The following DGKQ variants were observed in gnomAD, a reference collection of about 807,000 sequenced individuals.
The protein encoded by DGKQ is diacylglycerol kinase theta, also known as DAG kinase theta.
A neutral mutation model predicts 104.2 loss-of-function variants in DGKQ; 97 were observed. The ratio of observed to expected loss-of-function variants is 0.93; its 90% CI spans 0.79 to 1.10. The LOEUF is 1.10. Among genes scored for constraint, DGKQ ranks in the 50% least tolerant of loss-of-function variants. The pLI, the probability that DGKQ is intolerant of heterozygous loss-of-function variation, is 0.00. For missense variants in DGKQ, 1,465 were observed against 1,352.1 expected, an observed-to-expected ratio of 1.08 and a Z score of -1.31; for synonymous variants, 736 against 595.2, an observed-to-expected ratio of 1.24 and a Z score of -3.44.
At chr4:963,638 G>T (rs1041119007) in intron 15 of DGKQ, among the ~76,000 whole-genome samples, 1 of 152,240 alleles carries the variant, frequency 6.6e-6, no homozygotes, top group African/African-American at 2.4e-5. Flanking sequence ...GGGACTCTGC[G>T]TGGCACTCTG....
At chr4:960,816 T>G in intron 22 of DGKQ, 95 bp from the exon 23 acceptor site, 1 of 1,533,030 alleles carries the variant, frequency 6.5e-7, no homozygotes, top group East Asian at 2.4e-5. Context: ...GGGCAGCTGA[T>G]GCCATCTCAG....
chr4:962,614 C>T lies in DGKQ; in HGVS notation c.2036-1G>A. The T allele has an allele frequency of 6.2e-7, 1 of 1,606,928 alleles. No individual in the cohort carries two copies. On this transcript the variant is annotated splice_acceptor_variant, in intron 17 of 22. Coordinates refer to ENST00000273814, the MANE Select transcript of DGKQ (RefSeq NM_001347.4). LOFTEE classifies it high-confidence loss of function. ...CGGAGGACTCGACCAAGGTCATTCCCTGGGACACAAGCAGACACAGAGCAT... is the reference window on the plus strand; with the variant it reads ...CGGAGGACTCGACCAAGGTCATTCCTTGGGACACAAGCAGACACAGAGCAT...
chr4:962,428 C>T lies in DGKQ; in HGVS notation c.2214+7G>A. On this transcript the variant is annotated splice_region_variant and intron_variant, in intron 18 of 22. Coordinates refer to ENST00000273814, the MANE Select transcript of DGKQ (RefSeq NM_001347.4). ...TGGAAGGCACCCCACGCCGGGCTGC[C>T]CTGTACCTTGGGGGGCTCTGCGTCT... 1 of 1,563,998 alleles carries T rather than the reference C, an allele frequency of 6.4e-7. No individual in the cohort carries two copies. Among genetic ancestry groups the T allele is most frequent in the Non-Finnish European group, 8.6e-7 (1 of 1,160,282 alleles).
chr4:967,627 A>G lies in DGKQ; in HGVS notation c.909T>C (p.Phe303=). The G allele has an allele frequency of 2.5e-6, 4 of 1,612,512 alleles. No homozygotes were observed. Among genetic ancestry groups the G allele is most frequent in the East Asian group, 2.2e-5 (1 of 44,828 alleles). Residue 303 remains phenylalanine, a synonymous_variant, in exon 8 of 23, where the codon TTT becomes TTC. Coordinates refer to ENST00000273814, the MANE Select transcript of DGKQ (RefSeq NM_001347.4). Reference sequence around the variant, plus strand: ...TTCTTCTCACCGCGTCGTCGCCATCAAAGATCTTCAGCGTTTGCTTCCCTG... The same window carrying G: ...TTCTTCTCACCGCGTCGTCGCCATCGAAGATCTTCAGCGTTTGCTTCCCTG... ...PESGKQTLKI[F]DGDDAVRRSQ...
rs374697630 is a variant in DGKQ, at chr4:968,588, G to A, written c.452-24C>T. The A allele has an allele frequency of 3.4e-4, 538 of 1,579,224 alleles. 1 individual carries two copies. The highest frequency in any genetic ancestry group is 4.5e-4 in the Non-Finnish European group (518 of 1,161,294). On this transcript the variant is annotated intron_variant, in intron 3 of 22. Transcript: ENST00000273814. ...CACTGGGGGGCAGGCAGGGTTAGAGGTGTCTGCCGCCCCCGGAGGACCCCT... is the reference window on the plus strand; with the variant it reads ...CACTGGGGGGCAGGCAGGGTTAGAGATGTCTGCCGCCCCCGGAGGACCCCT...
chr4:967,684 C>G (rs780370554), intron 7 of DGKQ, 35 bp from the exon 8 acceptor site: 19 of 1,612,014 alleles, frequency 1.2e-5, no homozygotes, highest in Non-Finnish European at 6.8e-6. Flanking sequence ...CCCGGGCGCC[C>G]GGGGGACCTC....
Position 961,032 on chromosome 4 carries a change from A to G in DGKQ, c.2727+17T>C. 1 of 1,611,390 alleles carries G rather than the reference A, an allele frequency of 6.2e-7. No homozygotes were observed. The highest frequency in any genetic ancestry group is 1.3e-5 in the African/African-American group (1 of 74,984). On this transcript the variant is annotated intron_variant, in intron 22 of 22. Coordinates refer to ENST00000273814, the MANE Select transcript of DGKQ (RefSeq NM_001347.4). ...CCCGGCCCACCTCCCCTGGCTCTCC[A>G]GCCTCACCCCACATACCTTAGGGCC...
intron 1 of DGKQ, among the ~76,000 whole-genome samples, chr4:972,639 G>A (rs1369473677): frequency 2.0e-5 from 3 of 151,842 alleles, no homozygotes; most frequent in South Asian, 4.2e-4. Context: ...TCCAGAGGCT[G>A]GGCTGTAGTC....
In DGKQ at chr4:971,431, G is replaced by C. The variant is rs749079880; in HGVS notation, c.272-359C>G. Among the ~76,000 whole-genome samples the C allele has an allele frequency of 2.0e-5, 3 of 152,188 alleles. No homozygotes were observed. The highest frequency in any genetic ancestry group is 4.4e-5 in the Non-Finnish European group (3 of 68,020). Reference sequence around the variant, plus strand: ...GTTCGCCAGGTGGCAGGGGCTTCTCGGCCTTCGGCAGATTGGCTTTACCAA... The same window carrying C: ...GTTCGCCAGGTGGCAGGGGCTTCTCCGCCTTCGGCAGATTGGCTTTACCAA... On this transcript the variant is annotated intron_variant, in intron 1 of 22. Coordinates refer to ENST00000273814, the MANE Select transcript of DGKQ (RefSeq NM_001347.4). This position sits in a 1 kb window ranked among gnomAD's most constrained non-coding sequence, Gnocchi z 4.0.
chr4:966,019 G>A lies in DGKQ; in HGVS notation c.1488C>T (p.Ala496=). The A allele has an allele frequency of 3.1e-6, 5 of 1,605,334 alleles. No individual in the cohort carries two copies. Among genetic ancestry groups the A allele is most frequent in the South Asian group, 1.1e-5 (1 of 89,324 alleles). ...CGCCAACAAACAGGGAGACGTGCGGGGCTACATCCCTGCTCTCTGCCACGT... is the reference window on the plus strand; with the variant it reads ...CGCCAACAAACAGGGAGACGTGCGGAGCTACATCCCTGCTCTCTGCCACGT... The part of the protein sequence containing the change: ...RFYVAESRDV[A]PHVSLFVGGL... Residue 496 remains alanine, a synonymous_variant, in exon 13 of 23, where the codon GCC becomes GCT. Coordinates refer to ENST00000273814, the MANE Select transcript of DGKQ (RefSeq NM_001347.4).
In DGKQ at chr4:960,578, G is replaced by T; in HGVS notation, c.*42C>A. 6.4e-7 allele frequency: 1 copy of T among 1,565,522 alleles called. No homozygotes were observed. The highest frequency in any genetic ancestry group is 8.8e-7 in the Non-Finnish European group (1 of 1,141,612). On this transcript the variant is annotated 3_prime_UTR_variant, in exon 23 of 23. Transcript: ENST00000273814. ...AGACCACCTGAAAACAAGGCTGGCG[G>T]GAGCAGAGATGGCTCGAGCCCTTGG...
chr4:973,257 G>A lies in DGKQ; in HGVS notation c.226C>T (p.Leu76Phe). The change falls in exon 1 of 23, where the codon CTC becomes TTC. Residue 76 changes from leucine (L) to phenylalanine (F), a missense_variant. Physicochemically the swap from Leu to Phe is conservative, Grantham distance 22. Coordinates refer to ENST00000273814, the MANE Select transcript of DGKQ (RefSeq NM_001347.4). ...AGCCCCCAGATGAAGTCGGAGCAGA[G>A]GTGGCAGAAGGTGGGCTTGGTGAGC... The part of the protein sequence containing the change: ...VTLTKPTFCH[L>F]CSDFIWGLAG... 1 of 1,555,054 alleles carries A rather than the reference G, an allele frequency of 6.4e-7. No homozygotes were observed. The highest frequency in any genetic ancestry group is 1.4e-5 in the African/African-American group (1 of 70,254).
chr4:965,675 A>G, intron 13 of DGKQ, 146 bp from the exon 14 acceptor site: 1 of 958,028 alleles, frequency 1.0e-6, no homozygotes, highest in Non-Finnish European at 1.6e-6. Flanking sequence ...CTCCAGGAGC[A>G]GGACTCCCAG....
At position 968,850 on chromosome 4, in the gene DGKQ, A is replaced by C; in HGVS notation, c.412T>G (p.Cys138Gly). 6.2e-7 allele frequency: 1 copy of C among 1,610,724 alleles called. No homozygotes were observed. The highest frequency in any genetic ancestry group is 1.1e-5 in the South Asian group (1 of 90,906). Residue 138 changes from cysteine to glycine, a missense_variant, in exon 3 of 23, where the codon TGC becomes GGC. Transcript: ENST00000273814. ...GLHKRKFCAVCRKVLEAPALH... is the reference protein window; with the variant it reads ...GLHKRKFCAVGRKVLEAPALH... ...GCCGGTGCCTCCAGGACCTTGCGGC[A>C]GACAGCACAGAACTTGCGCTTGTGG...
intron 21 of DGKQ, 59 bp from the exon 22 acceptor site, chr4:961,260 G>C: frequency 5.1e-6 from 7 of 1,377,290 alleles, no homozygotes; most frequent in Non-Finnish European, 6.7e-6. Context: ...CCGCTGACCT[G>C]GCCCTGGGGC....
Position 961,771 on chromosome 4 carries a change from CAGGCTCCGAG to C in DGKQ, c.2369_2378del (p.Ser790CysfsTer60). 1 of 1,611,752 alleles carries C rather than the reference CAGGCTCCGAG, an allele frequency of 6.2e-7. No homozygotes were observed. Among genetic ancestry groups the C allele is most frequent in the Non-Finnish European group, 8.5e-7 (1 of 1,179,464 alleles). On this transcript the variant is annotated frameshift_variant, in exon 20 of 23. Transcript: ENST00000273814. LOFTEE classifies it high-confidence loss of function. ...CCACCTGCAGCCGGATCTGCTTGTG[CAGGCTCCGAG>C]AGTGACTGATCTTCTGCAGCCCCAC...
chr4:965,881 G>C (rs191277848), intron 13 of DGKQ, 47 bp downstream of exon 13: 1 of 1,523,614 alleles, frequency 6.6e-7, no homozygotes, highest in African/African-American at 1.4e-5. Context: ...CCTGCCGCTC[G>C]ACCCTGCCCC....
chr4:967,433 A>C (rs1339404332), intron 8 of DGKQ, 72 bp from the exon 9 acceptor site: 8 of 494,686 alleles, frequency 1.6e-5, no homozygotes, highest in African/African-American at 6.0e-5. Context: ...CAGGTCATGG[A>C]GGGGGAGGCC....
At position 967,549 on chromosome 4, in the gene DGKQ, C is replaced by G; in HGVS notation, c.987G>C (p.Leu329=). 9.9e-6 allele frequency: 16 copies of G among 1,612,200 alleles called. No individual in the cohort carries two copies. Among genetic ancestry groups the G allele is most frequent in the South Asian group, 2.2e-5 (2 of 91,076 alleles). The part of the protein sequence containing the change: ...VSRLAGAEEV[L]EAALRAHHIP... ...AGACCTCCCCCAGCCTCCCCCTTAC[C>G]AGCACCTCCTCGGCACCGGCCAGGC... The change falls in exon 8 of 23, where the codon CTG becomes CTC. Residue 329 remains leucine (L), a splice_region_variant and synonymous_variant. Transcript: ENST00000273814.
Sources: gnomAD v4.1 joint callset for allele counts (sites outside exome capture counted in the v4.1 genomes callset) on GRCh38, gnomAD v4.1.1 for gene constraint, Gnocchi (gnomAD v3.1) non-coding constraint, MANE v1.5 for transcripts, NCBI Gene and HGNC (gene_info 2026-07-23, HGNC 2026-07-21) for gene names.